The following IVD variants were observed in gnomAD, a reference collection of about 807,000 sequenced individuals.
The protein encoded by IVD is isovaleryl-CoA dehydrogenase, also known as isovaleryl-CoA dehydrogenase, mitochondrial.
IVD carries 31 observed loss-of-function variants against 51.3 expected under a neutral mutation model. The observed-to-expected ratio is 0.60, with a 90% CI of 0.45 to 0.81. The LOEUF is 0.81. Among genes scored for constraint, IVD ranks in the 40% least tolerant of loss-of-function variants. The probability of loss-of-function intolerance (pLI) is 0.00; values close to 1 mark genes in which losing one functional copy is unlikely to be tolerated. For missense variants in IVD, 475 were observed against 552.0 expected (o/e 0.86, Z 1.40); for synonymous variants, 205 against 219.4 (o/e 0.93, Z 0.58).
chr15:40,430,526 A>G (rs1028761874), intron 7 of IVD, among the ~76,000 whole-genome samples: 12 of 152,210 alleles, frequency 7.9e-5, no homozygotes, highest in Non-Finnish European at 5.9e-5. Flanking sequence ...GAGGCAGTCT[A>G]TTTTGGAAAG....
chr15:40,423,831 G>A (rs1289944300), downstream of IVD, among the ~76,000 whole-genome samples: 2 of 152,098 alleles, frequency 1.3e-5, no homozygotes, highest in Non-Finnish European at 2.9e-5. Context: ...CACTTCCTCG[G>A]GCCAGCCCTG....
At position 40,414,886 on chromosome 15, in the gene IVD, C is replaced by T. The variant is rs1891473717; in HGVS notation, c.785-3C>T. ...TCCCTCTGACCAGCACTTATCCTGGCAGCTGCCAACATCCTGGGCCATGAG... is the reference window on the plus strand; with the variant it reads ...TCCCTCTGACCAGCACTTATCCTGGTAGCTGCCAACATCCTGGGCCATGAG... On this transcript the variant is annotated splice_region_variant and splice_polypyrimidine_tract_variant and intron_variant, in intron 7 of 11. Coordinates refer to ENST00000487418, the MANE Select transcript of IVD (RefSeq NM_002225.5). The T allele has an allele frequency of 6.2e-7, 1 of 1,614,092 alleles. No individual in the cohort carries two copies. Among genetic ancestry groups the T allele is most frequent in the Non-Finnish European group, 8.5e-7 (1 of 1,179,970 alleles).
rs1333150309 is a variant in IVD at position 40,418,590 on chromosome 15, G to A, written c.*327G>A. The A allele has an allele frequency of 2.2e-6, 2 of 918,218 alleles. No individual in the cohort carries two copies. The highest frequency in any genetic ancestry group is 1.1e-4 in the East Asian group (2 of 17,706). 56.9% of individuals were successfully genotyped at this position (918,218 alleles called of 1,614,324 possible). A position where few individuals can be genotyped will look rare whatever the true frequency, so the allele number is the denominator to read the frequency against. On this transcript the variant is annotated 3_prime_UTR_variant, in exon 12 of 12. Transcript: ENST00000487418. ...CCACCTCCCAGGGTAGGCACCTGGG[G>A]GCATGCAGGTGCCCACCTCCCAGGG...
At chr15:40,406,520 G>A (rs1890434943) in intron 1 of IVD, among the ~76,000 whole-genome samples, 1 of 152,194 alleles carries the variant, frequency 6.6e-6, no homozygotes. Flanking sequence ...GAGGCCAGGC[G>A]CCGTGGCTCA....
At chr15:40,426,094 G>C (rs143506310), downstream of IVD, among the ~76,000 whole-genome samples, 75 of 151,944 alleles carry the variant, frequency 4.9e-4, no homozygotes, top group African/African-American at 1.6e-3. Context: ...TGTGAGCCAC[G>C]GTGCCCAGCC....
At chr15:40,415,170 T>C (rs1891523612) in intron 8 of IVD, 188 bp downstream of exon 8, 6 of 778,418 alleles carry the variant, frequency 7.7e-6, no homozygotes, top group African/African-American at 1.7e-5. Context: ...GGAAATATCA[T>C]TAAGTAACAG....
chr15:40,426,228 C>T (rs1471269483), downstream of IVD, among the ~76,000 whole-genome samples: 1 of 151,964 alleles, frequency 6.6e-6, no homozygotes, highest in Non-Finnish European at 1.5e-5. Context: ...GGGCTGTTTC[C>T]AGTTTGGGGC....
At chr15:40,417,206 G>GGA (rs1891789168) in intron 11 of IVD, among the ~76,000 whole-genome samples, 2 of 95,198 alleles carry the variant, frequency 2.1e-5, no homozygotes, top group African/African-American at 7.9e-5. Flanking sequence ...CTCCGTCTCG[G>GGA]AAAAAAAAAA....
intron 7 of IVD, chr15:40,414,659 T>C: frequency 1.8e-6 from 1 of 560,832 alleles, no homozygotes; most frequent in Non-Finnish European, 3.1e-6. Context: ...CTAACAACTC[T>C]AGCCTTTGTG....
intron 7 of IVD, among the ~76,000 whole-genome samples, chr15:40,431,986 T>G (rs997895438): frequency 5.0e-5 from 7 of 139,138 alleles, no homozygotes; most frequent in African/African-American, 1.8e-4. Flanking sequence ...TTTTTTGAGA[T>G]AGATTCTCAC....
chr15:40,434,084 C>T (rs765973457), intron 8 of IVD, among the ~76,000 whole-genome samples: 22 of 152,204 alleles, frequency 1.4e-4, no homozygotes, highest in Admixed American at 4.6e-4. Flanking sequence ...CGTAAATGCC[C>T]CACATGGGCA....
chr15:40,406,959 G>T (rs1053542432), intron 1 of IVD, among the ~76,000 whole-genome samples: 1 of 152,110 alleles, frequency 6.6e-6, no homozygotes, highest in Non-Finnish European at 1.5e-5. Context: ...CGCCTCCCGG[G>T]TTCAAGTGAT....
rs199783007 is a variant in IVD, at chr15:40,416,072, G to A, written c.961-6G>A. On this transcript the variant is annotated splice_polypyrimidine_tract_variant and splice_region_variant and intron_variant, in intron 9 of 11. Coordinates refer to ENST00000487418, the MANE Select transcript of IVD (RefSeq NM_002225.5). ...ATGTTGACCTGTGACATCCCTTTGT[G>A]CCCAGTTGATGCAGGGGAAGATGGC... is the stretch of plus-strand genomic sequence containing the variant. 566 of 1,613,948 alleles carry A rather than the reference G, an allele frequency of 3.5e-4. 1 individual carries two copies. The highest frequency in any genetic ancestry group is 4.2e-4 in the Non-Finnish European group (491 of 1,179,798).
At chr15:40,415,110 G>A (rs1444407112) in intron 8 of IVD, 128 bp downstream of exon 8, 1 of 1,024,516 alleles carries the variant, frequency 9.8e-7, no homozygotes, top group African/African-American at 1.6e-5. Context: ...CTCTCTCCTG[G>A]GAGATGAAAG....
chr15:40,407,779 C>G, intron 2 of IVD, 54 bp downstream of exon 2: 4 of 1,504,136 alleles, frequency 2.7e-6, no homozygotes, highest in Non-Finnish European at 3.7e-6. Context: ...GGCTGAGCTG[C>G]ACTGCTGCCT....
chr15:40,425,248 A>T (rs11858714), downstream of IVD, among the ~76,000 whole-genome samples: 13,275 of 152,050 alleles, frequency 0.087, 821 homozygotes, highest in Non-Finnish European at 0.13. Flanking sequence ...TGTACCCAAC[A>T]CGCAGGTCAA....
downstream of IVD, among the ~76,000 whole-genome samples, chr15:40,424,857 T>C (rs1595817281): frequency 6.6e-6 from 1 of 152,224 alleles, no homozygotes; most frequent in Admixed American, 6.5e-5. Context: ...CAGTAAGTGC[T>C]CAGTGGCTAT....
At chr15:40,412,656 C>A in intron 6 of IVD, 1 of 362,502 alleles carries the variant, frequency 2.8e-6, no homozygotes, top group Non-Finnish European at 5.3e-6. Flanking sequence ...GGGAATTGAC[C>A]GGGCTGGTGA....
Position 40,418,840 on chromosome 15 carries a change from A to C in IVD, c.*577A>C. On this transcript the variant is annotated 3_prime_UTR_variant, in exon 12 of 12. Coordinates refer to ENST00000487418, the MANE Select transcript of IVD (RefSeq NM_002225.5). ...CTCTTTTCTGGGGGAAAAAAATAATAAACCTAGCCTAGCCAGGCGTGGTGG... is the reference window on the plus strand; with the variant it reads ...CTCTTTTCTGGGGGAAAAAAATAATCAACCTAGCCTAGCCAGGCGTGGTGG... 1.1e-6 allele frequency: 1 copy of C among 926,140 alleles called. No homozygotes were observed. Among genetic ancestry groups the C allele is most frequent in the Non-Finnish European group, 1.4e-6 (1 of 739,808 alleles). 57.4% of individuals were successfully genotyped at this position (926,140 alleles called of 1,614,324 possible). A position where few individuals can be genotyped will look rare whatever the true frequency, so the allele number is the denominator to read the frequency against.
Sources: allele counts gnomAD v4.1 joint callset (sites outside exome capture counted in the v4.1 genomes callset), GRCh38; gene constraint gnomAD v4.1.1; transcripts MANE v1.5; gene names NCBI Gene and HGNC (gene_info 2026-07-23, HGNC 2026-07-21).